MARK2: variants seen among roughly 807,000 people sequenced by gnomAD.
MARK2 encodes the protein microtubule affinity regulating kinase 2.
MARK2 carries 16 observed loss-of-function variants against 89.8 expected under a neutral mutation model. The ratio of observed to expected loss-of-function variants is 0.18; its 90% CI spans 0.12 to 0.27. The LOEUF (loss-of-function observed/expected upper bound fraction) is 0.27, where lower values mean the gene tolerates loss of function less well. Among genes scored for constraint, MARK2 ranks in the 10% least tolerant of loss-of-function variants. The probability of loss-of-function intolerance (pLI) is 1.00; values close to 1 mark genes in which losing one functional copy is unlikely to be tolerated. For synonymous variants in MARK2, 382 were observed against 399.5 expected (o/e 0.96, Z 0.52); for missense variants, 621 against 1,049.9 (o/e 0.59, Z 5.65).
chr11:63,887,292 G>A (rs1350423648), intron 1 of MARK2, among the ~76,000 whole-genome samples: 1 of 152,242 alleles, frequency 6.6e-6, no homozygotes, highest in African/African-American at 2.4e-5. Context: ...CAAAAGCTCT[G>A]GGCTCCGGCC....
intron 1 of MARK2, chr11:63,888,881 C>T: frequency 3.0e-6 from 4 of 1,339,048 alleles, no homozygotes; most frequent in Non-Finnish European, 3.9e-6. Flanking sequence ...GGCCTCTGTA[C>T]TTTGCCCTCG....
In MARK2 at chr11:63,904,470, T is replaced by C. The variant is rs1007838966; in HGVS notation, c.1677-316T>C. ...ATCACAGGGACTCAATCCTCAAGGG[T>C]TGGTCCCCATTGCCGCCTTGAGGGT... is the stretch of plus-strand genomic sequence containing the variant. On this transcript the variant is annotated intron_variant, in intron 15 of 18. Transcript: ENST00000402010. This position sits in a 1 kb window ranked among gnomAD's most constrained non-coding sequence, Gnocchi z 6.3. 1.3e-5 allele frequency among the ~76,000 whole-genome samples: 2 copies of C among 151,986 alleles called. No individual in the cohort carries two copies. The highest frequency in any genetic ancestry group is 4.8e-5 in the African/African-American group (2 of 41,330).
rs73494110 is a variant in MARK2, at chr11:63,875,949, A to G, written c.55-19210A>G. On this transcript the variant is annotated intron_variant, in intron 1 of 18. Coordinates refer to ENST00000402010, the MANE Select transcript of MARK2 (RefSeq NM_001039469.3). The stretch of plus-strand genomic sequence containing the variant: ...CAGTAAGCACTGTGTATGAGAATGG[A>G]CTTACTCTGGCCACACTGTGCACAC... Among the ~76,000 whole-genome samples, 1,182 of 152,316 alleles carry G rather than the reference A, an allele frequency of 7.8e-3. 13 individuals are homozygous for G. The highest frequency in any genetic ancestry group is 0.027 in the African/African-American group (1,118 of 41,562).
intron 1 of MARK2, among the ~76,000 whole-genome samples, chr11:63,865,219 A>G (rs1008623598): frequency 6.6e-6 from 1 of 152,088 alleles, no homozygotes; most frequent in Admixed American, 6.6e-5. Context: ...CCATTTCTAA[A>G]CTACTTTAGA....
intron 1 of MARK2, among the ~76,000 whole-genome samples, chr11:63,892,765 C>T (rs1213942852): frequency 2.2e-5 from 3 of 139,150 alleles, no homozygotes; most frequent in Non-Finnish European, 4.6e-5. Flanking sequence ...CTCGCTCTAT[C>T]ACCCAGGCTG....
At chr11:63,861,514 C>G (rs1647389452) in intron 1 of MARK2, among the ~76,000 whole-genome samples, 2 of 152,164 alleles carry the variant, frequency 1.3e-5, no homozygotes, top group Admixed American at 1.3e-4. Flanking sequence ...ATGGCACCTC[C>G]TGGATGGCCC....
chr11:63,866,112 G>T (rs1455648866), intron 1 of MARK2, among the ~76,000 whole-genome samples: 1 of 152,000 alleles, frequency 6.6e-6, no homozygotes. Flanking sequence ...GTTACTTTGG[G>T]TGGTCGAGGC....
At chr11:63,877,185 CT>C (rs1258017634) in intron 1 of MARK2, among the ~76,000 whole-genome samples, 1 of 139,824 alleles carries the variant, frequency 7.2e-6, no homozygotes, top group African/African-American at 2.6e-5. Context: ...TTTCGGCTCA[CT>C]GCAGCCTCGA....
At chr11:63,846,910 C>T (rs2016313431) in intron 1 of MARK2, among the ~76,000 whole-genome samples, 1 of 152,204 alleles carries the variant, frequency 6.6e-6, no homozygotes, top group South Asian at 2.1e-4. Context: ...CCCACCTCGG[C>T]CTCCCAAAGT....
In MARK2 at chr11:63,899,990, T is replaced by A; in HGVS notation, c.648T>A (p.Ala216=). ...LDTFCGSPPY[A]APELFQGKKY... ...CCTTCTGTGGCAGTCCCCCTTATGCTGCCCCAGAACTCTTCCAGGGCAAAA... is the reference window on the plus strand; with the variant it reads ...CCTTCTGTGGCAGTCCCCCTTATGCAGCCCCAGAACTCTTCCAGGGCAAAA... The change falls in exon 8 of 19, where the codon GCT becomes GCA. Residue 216 remains alanine (A), a synonymous_variant. Transcript: ENST00000402010. 1 of 1,614,200 alleles carries A rather than the reference T, an allele frequency of 6.2e-7. No homozygotes were observed. Among genetic ancestry groups the A allele is most frequent in the Non-Finnish European group, 8.5e-7 (1 of 1,180,006 alleles).
chr11:63,908,411 C>T, intron 18 of MARK2, 107 bp downstream of exon 18: 1 of 931,116 alleles, frequency 1.1e-6, no homozygotes, highest in Non-Finnish European at 1.7e-6. Flanking sequence ...CGTGGTTCTG[C>T]CCTGTCCCTA....
chr11:63,865,493 A>G (rs112206868), intron 1 of MARK2, among the ~76,000 whole-genome samples: 4 of 152,186 alleles, frequency 2.6e-5, no homozygotes. Flanking sequence ...CCCATCTCCA[A>G]CACATTTTTA....
At position 63,903,005 on chromosome 11, in the gene MARK2, C is replaced by A; in HGVS notation, c.1417-56C>A. 1 of 1,472,996 alleles carries A rather than the reference C, an allele frequency of 6.8e-7. No individual in the cohort carries two copies. Among genetic ancestry groups the A allele is most frequent in the Non-Finnish European group, 9.5e-7 (1 of 1,052,832 alleles). 91.2% of individuals were successfully genotyped at this position (1,472,996 alleles called of 1,614,324 possible). ...TGTTCCATGAACCTGGGGGGAGAAC[C>A]TGGCTGTAGACCACTTTGGCTTTCT... On this transcript the variant is annotated intron_variant, in intron 13 of 18. Transcript: ENST00000402010. The surrounding 1 kb of genome is among the most constrained non-coding windows in gnomAD (Gnocchi z 5.1).
At position 63,900,818 on chromosome 11, in the gene MARK2, A is replaced by C. The variant is rs749047419; in HGVS notation, c.927A>C (p.Glu309Asp). ...MKDRWMNVGH[E>D]DDELKPYVEP... ...ATCGATGGATGAATGTGGGTCACGA[A>C]GATGATGAACTAAAGCCTTACGTGG... The change falls in exon 10 of 19, where the codon GAA becomes GAC. Residue 309 changes from glutamate (E) to aspartate (D), a missense_variant. Glu to Asp is a conservative substitution (Grantham distance 45). Transcript: ENST00000402010. The surrounding 1 kb of genome is among the most constrained non-coding windows in gnomAD (Gnocchi z 4.7). The C allele has an allele frequency of 6.2e-7, 1 of 1,614,140 alleles. No homozygotes were observed. Among genetic ancestry groups the C allele is most frequent in the South Asian group, 1.1e-5 (1 of 91,074 alleles).
intron 1 of MARK2, among the ~76,000 whole-genome samples, chr11:63,858,387 TCTCA>T (rs1288536628): frequency 2.6e-5 from 4 of 151,232 alleles, no homozygotes; most frequent in Non-Finnish European, 5.9e-5. Flanking sequence ...TGAGACAGTG[TCTCA>T]CTCTATCACC....
chr11:63,885,695 G>C (rs572222885), intron 1 of MARK2, among the ~76,000 whole-genome samples: 1 of 151,712 alleles, frequency 6.6e-6, no homozygotes, highest in Non-Finnish European at 1.5e-5. Flanking sequence ...TGATCTGGAC[G>C]TGGTGGCACG....
chr11:63,892,983 A>G (rs1009466556), intron 1 of MARK2, among the ~76,000 whole-genome samples: 1 of 140,826 alleles, frequency 7.1e-6, no homozygotes, highest in African/African-American at 2.7e-5. Context: ...ATCTCAGCTC[A>G]CTGTAACCTC....
At chr11:63,875,453 T>C (rs940825773) in intron 1 of MARK2, among the ~76,000 whole-genome samples, 10 of 152,228 alleles carry the variant, frequency 6.6e-5, no homozygotes, top group African/African-American at 2.2e-4. Context: ...AATCTCATTA[T>C]GTGGCCTAGG....
chr11:63,890,656 G>A (rs1442598599), intron 1 of MARK2, among the ~76,000 whole-genome samples: 1 of 152,212 alleles, frequency 6.6e-6, no homozygotes, highest in Non-Finnish European at 1.5e-5. Flanking sequence ...TCTCTTGTCA[G>A]CCTTCAGCTG....
Sources: gnomAD v4.1 joint callset for allele counts (sites outside exome capture counted in the v4.1 genomes callset) on GRCh38, gnomAD v4.1.1 for gene constraint, Gnocchi (gnomAD v3.1) non-coding constraint, MANE v1.5 for transcripts, NCBI Gene and HGNC (gene_info 2026-07-23, HGNC 2026-07-21) for gene names.